Variants in ADGRL2 observed in about 807,000 individuals in gnomAD.
ADGRL2 encodes calcium-independent alpha-latrotoxin receptor 2.
Under a neutral mutation model 157.4 loss-of-function variants are expected in ADGRL2, and 44 were observed. That is an observed-to-expected ratio of 0.28 (90% confidence interval 0.22 to 0.36). ADGRL2 has a LOEUF of 0.36. Ranked by LOEUF, ADGRL2 falls within the 10% of genes least tolerant of loss-of-function variation. The pLI is 1.00. For missense variants in ADGRL2, 1,510 were observed against 1,768.9 expected (o/e 0.85, Z 2.63); for synonymous variants, 585 against 624.7 (o/e 0.94, Z 0.95).
rs1657105115 is a variant in ADGRL2 at position 81,966,559 on chromosome 1, A to G, written c.2299A>G (p.Ser767Gly). 5.6e-6 allele frequency: 9 copies of G among 1,614,040 alleles called. No individual in the cohort carries two copies. The highest frequency in any genetic ancestry group is 1.1e-5 in the South Asian group (1 of 91,090). Residue 767 changes from serine (S) to glycine (G), a missense_variant, in exon 13 of 24, where the codon AGC becomes GGC. Physicochemically the swap from Ser to Gly is moderately conservative, Grantham distance 56. Coordinates refer to ENST00000686636, the MANE Select transcript of ADGRL2 (RefSeq NM_001366006.2). The part of the protein sequence containing the change: ...VISVSINKES[S>G]RVYLTDPVLF... ...TTCAGTTTCAATCAATAAAGAGTCC[A>G]GCCGAGTATACCTGACTGATCCTGT...
At chr1:81,320,812 T>G (rs1660451141) in intron 1 of ADGRL2, among the ~76,000 whole-genome samples, 1 of 152,200 alleles carries the variant, frequency 6.6e-6, no homozygotes, top group Non-Finnish European at 1.5e-5. Flanking sequence ...AGCATAATTC[T>G]TAAGGGCCCT....
intron 2 of ADGRL2, among the ~76,000 whole-genome samples, chr1:81,456,878 C>T (rs1163900384): frequency 1.3e-5 from 2 of 152,176 alleles, no homozygotes; most frequent in East Asian, 3.9e-4. Context: ...CTCTCTTCCT[C>T]TCTTTTTCTT....
At chr1:81,866,682 T>G (rs556550846) in intron 2 of ADGRL2, among the ~76,000 whole-genome samples, 4 of 152,296 alleles carry the variant, frequency 2.6e-5, no homozygotes, top group African/African-American at 9.6e-5. Context: ...TTGAAAATTC[T>G]TATTGAAATG....
chr1:81,616,679 C>CTTTTTTTTTTTTT lies in ADGRL2; in HGVS notation c.-143+35702_-143+35714dup. On this transcript the variant is annotated intron_variant, in intron 3 of 24. Transcript: ENST00000370721. ...TTTTTCTTTTCTTTTCTTTTCTTTT[C>CTTTTTTTTTTTTT]TTTTTTTTTTTTTTTGAGACAGGGT... Among the ~76,000 whole-genome samples, 507 of 105,956 alleles carry CTTTTTTTTTTTTT rather than the reference C, an allele frequency of 4.8e-3. 7 individuals carry two copies. The highest frequency in any genetic ancestry group is 0.013 in the East Asian group (46 of 3,568). The allele number at this position is 105,956 out of a possible 152,430, so 69.5% of individuals were successfully genotyped here. A position where few individuals can be genotyped will look rare whatever the true frequency, so the allele number is the denominator to read the frequency against.
intron 2 of ADGRL2, chr1:81,503,318 C>T: frequency 1.2e-6 from 2 of 1,614,154 alleles, no homozygotes; most frequent in Non-Finnish European, 8.5e-7. Context: ...GTGCTGTTTG[C>T]CCAGAAGCCT....
chr1:81,979,739 T>C, intron 17 of ADGRL2, 130 bp from the exon 18 acceptor site: 1 of 579,626 alleles, frequency 1.7e-6, no homozygotes, highest in South Asian at 2.4e-5. Context: ...TAGACTCAAC[T>C]TGATCATTGC....
intron 2 of ADGRL2, among the ~76,000 whole-genome samples, chr1:81,767,675 C>T (rs756093909): frequency 6.6e-6 from 1 of 151,844 alleles, no homozygotes; most frequent in Non-Finnish European, 1.5e-5. Flanking sequence ...AGTTCGAGAT[C>T]AGCCTGGGCA....
intron 2 of ADGRL2, among the ~76,000 whole-genome samples, chr1:81,903,756 C>T (rs867778717): frequency 7.1e-6 from 1 of 140,718 alleles, no homozygotes; most frequent in Non-Finnish European, 1.6e-5. Flanking sequence ...TATATATATA[C>T]ACATTATATA....
At chr1:81,345,809 A>T (rs991540098) in intron 1 of ADGRL2, among the ~76,000 whole-genome samples, 3 of 152,242 alleles carry the variant, frequency 2.0e-5, no homozygotes, top group Non-Finnish European at 4.4e-5. Flanking sequence ...TTCATATTTT[A>T]AAATTCACTA....
At chr1:81,321,937 G>A (rs1208236132) in intron 1 of ADGRL2, among the ~76,000 whole-genome samples, 1 of 151,746 alleles carries the variant, frequency 6.6e-6, no homozygotes, top group East Asian at 1.9e-4. Flanking sequence ...AATGAGGCAT[G>A]TGTACATTAT....
chr1:81,309,631 C>T (rs1659599364), intron 1 of ADGRL2, among the ~76,000 whole-genome samples: 1 of 152,120 alleles, frequency 6.6e-6, no homozygotes, highest in African/African-American at 2.4e-5. Context: ...TCATCTCAAT[C>T]TGTATTATCA....
chr1:81,527,257 C>T (rs147460068), intron 2 of ADGRL2, among the ~76,000 whole-genome samples: 1 of 152,286 alleles, frequency 6.6e-6, no homozygotes, highest in Non-Finnish European at 1.5e-5. Flanking sequence ...TTTCCCTCAT[C>T]ACAAAGTGTT....
chr1:81,436,381 C>CT (rs1390595234), intron 1 of ADGRL2, among the ~76,000 whole-genome samples: 2 of 152,184 alleles, frequency 1.3e-5, no homozygotes, highest in African/African-American at 4.8e-5. Flanking sequence ...TAACATCTAT[C>CT]TAACATACCT....
At chr1:81,540,087 C>T (rs577500027) in intron 2 of ADGRL2, among the ~76,000 whole-genome samples, 37 of 152,176 alleles carry the variant, frequency 2.4e-4, no homozygotes, top group East Asian at 9.7e-4. Flanking sequence ...TTAACTTCTA[C>T]GATTGTTTCT....
intron 1 of ADGRL2, among the ~76,000 whole-genome samples, chr1:81,702,885 G>A (rs1161390939): frequency 6.6e-6 from 1 of 152,120 alleles, no homozygotes; most frequent in Non-Finnish European, 1.5e-5. Flanking sequence ...CTAAGGGATA[G>A]GAGAGAAAGA....
chr1:81,632,966 G>A (rs954993386), intron 3 of ADGRL2, among the ~76,000 whole-genome samples: 7 of 152,142 alleles, frequency 4.6e-5, no homozygotes, highest in Non-Finnish European at 8.8e-5. Flanking sequence ...ATATACCAAA[G>A]TCTATTTGAC....
intron 1 of ADGRL2, among the ~76,000 whole-genome samples, chr1:81,419,671 C>T (rs761603748): frequency 2.6e-5 from 4 of 152,120 alleles, no homozygotes; most frequent in South Asian, 2.1e-4. Flanking sequence ...GAGGTAAATA[C>T]GCATGCTTTT....
In ADGRL2 at chr1:81,985,353, A is replaced by G. The variant is rs796848875; in HGVS notation, c.3506A>G (p.Gln1169Arg). 2 of 1,577,932 alleles carry G rather than the reference A, an allele frequency of 1.3e-6. No homozygotes were observed. The highest frequency in any genetic ancestry group is 1.4e-5 in the African/African-American group (1 of 73,954). The change falls in exon 21 of 24, where the codon CAA (glutamine) becomes CGA (arginine). Residue 1169 changes from glutamine (Q) to arginine (R), a missense_variant and splice_region_variant. Transcript: ENST00000686636. ...GDINSTSTLN[Q>R]GMTGNYLLTN... ...ATCAATAGCACTTCAACACTTAATC[A>G]AGGTCAGTTATCAGGAAAATTTGAG... is the stretch of plus-strand genomic sequence containing the variant.
chr1:81,401,838 A>G (rs1474181038), intron 1 of ADGRL2, among the ~76,000 whole-genome samples: 1 of 152,152 alleles, frequency 6.6e-6, no homozygotes, highest in Non-Finnish European at 1.5e-5. Context: ...TTAACTTTTA[A>G]CTTCAAAATC....
Sources: allele counts gnomAD v4.1 joint callset (sites outside exome capture counted in the v4.1 genomes callset), GRCh38; gene constraint gnomAD v4.1.1; transcripts MANE v1.5; gene names NCBI Gene and HGNC (gene_info 2026-07-23, HGNC 2026-07-21).